Variants in PREX2 observed in about 807,000 individuals in gnomAD.
PREX2 encodes the protein phosphatidylinositol-3,4,5-trisphosphate dependent Rac exchange factor 2, also known as phosphatidylinositol 3,4,5-trisphosphate-dependent Rac exchanger 2 protein.
A neutral mutation model predicts 203.2 loss-of-function variants in PREX2; 107 were observed. The ratio of observed to expected loss-of-function variants is 0.53; its 90% CI spans 0.45 to 0.62. The LOEUF (loss-of-function observed/expected upper bound fraction) is 0.62. Among genes scored for constraint, PREX2 ranks in the 20% least tolerant of loss-of-function variants. PREX2 has a pLI of 0.00. For synonymous variants in PREX2, 672 were observed against 663.6 expected (o/e 1.01, Z -0.19); for missense variants, 1,777 against 1,955.9 (o/e 0.91, Z 1.72).
At chr8:68,131,000 G>A (rs925228984) in intron 31 of PREX2, among the ~76,000 whole-genome samples, 1 of 152,208 alleles carries the variant, frequency 6.6e-6, no homozygotes, top group African/African-American at 2.4e-5. Context: ...AATGCATCTG[G>A]AAGAAAGGTA....
chr8:68,206,653 A>G (rs1031160620), intron 37 of PREX2, among the ~76,000 whole-genome samples: 1 of 152,230 alleles, frequency 6.6e-6, no homozygotes, highest in Non-Finnish European at 1.5e-5. Context: ...AAAACCCAAG[A>G]GCGTATGGCA....
intron 1 of PREX2, among the ~76,000 whole-genome samples, chr8:67,960,039 A>G (rs905655345): frequency 2.0e-4 from 30 of 148,454 alleles, no homozygotes; most frequent in African/African-American, 7.3e-4. Flanking sequence ...TTTCTTTTTA[A>G]TTAATTAATT....
Position 67,952,555 on chromosome 8 carries a change from G to A in PREX2, c.141+20G>A. The A allele has an allele frequency of 6.2e-7, 1 of 1,603,860 alleles. No individual in the cohort carries two copies. Among genetic ancestry groups the A allele is most frequent in the Non-Finnish European group, 8.5e-7 (1 of 1,175,300 alleles). Reference sequence around the variant, plus strand: ...GTGTCGGTGAGTGTCCCCGGCAGACGCAGGGGGACGTCCGGGCGGCGCGGG... The same window carrying A: ...GTGTCGGTGAGTGTCCCCGGCAGACACAGGGGGACGTCCGGGCGGCGCGGG... On this transcript the variant is annotated intron_variant, in intron 1 of 39. Coordinates refer to ENST00000288368, the MANE Select transcript of PREX2 (RefSeq NM_024870.4).
intron 31 of PREX2, 77 bp downstream of exon 31, chr8:68,127,496 G>T: frequency 1.1e-6 from 1 of 932,402 alleles, no homozygotes; most frequent in African/African-American, 1.7e-5. Flanking sequence ...GAAATTTGAG[G>T]ACAACGCCTT....
At chr8:68,151,624 G>T (rs952158757) in intron 34 of PREX2, among the ~76,000 whole-genome samples, 2 of 152,060 alleles carry the variant, frequency 1.3e-5, no homozygotes, top group Admixed American at 6.5e-5. Context: ...TGAATATAAA[G>T]TGTCCTGAAG....
chr8:68,013,820 G>C (rs1005251684), intron 1 of PREX2, among the ~76,000 whole-genome samples: 14 of 151,972 alleles, frequency 9.2e-5, no homozygotes, highest in African/African-American at 2.7e-4. Flanking sequence ...AAGGTGACAG[G>C]GTGCTGCTAA....
At chr8:68,111,570 A>G (rs1410376244) in intron 25 of PREX2, among the ~76,000 whole-genome samples, 1 of 152,084 alleles carries the variant, frequency 6.6e-6, no homozygotes, top group Admixed American at 6.6e-5. Context: ...AGATTTCCCC[A>G]CCCTGTTATT....
intron 35 of PREX2, among the ~76,000 whole-genome samples, chr8:68,172,229 T>C (rs1811890430): frequency 6.6e-6 from 1 of 152,232 alleles, no homozygotes; most frequent in Admixed American, 6.5e-5. Flanking sequence ...TAGTTTATAA[T>C]GCTTGAAAGT....
chr8:68,183,466 G>T (rs1425381213), intron 35 of PREX2, among the ~76,000 whole-genome samples: 1 of 152,204 alleles, frequency 6.6e-6, no homozygotes, highest in East Asian at 1.9e-4. Context: ...GAAAGGATTT[G>T]CTTCTTTTCC....
chr8:68,092,475 A>G (rs557367427), intron 20 of PREX2, among the ~76,000 whole-genome samples: 65 of 152,346 alleles, frequency 4.3e-4, no homozygotes, highest in African/African-American at 1.4e-3. Context: ...TAGAAAATCT[A>G]TAACCCTTAA....
chr8:68,192,285 G>T, intron 36 of PREX2, 50 bp from the exon 37 acceptor site: 1 of 1,446,476 alleles, frequency 6.9e-7, no homozygotes, highest in South Asian at 1.4e-5. Flanking sequence ...CTATCTAAAA[G>T]AATTTTACTA....
intron 22 of PREX2, among the ~76,000 whole-genome samples, chr8:68,099,074 A>G (rs1275862975): frequency 6.6e-6 from 1 of 151,114 alleles, no homozygotes; most frequent in Non-Finnish European, 1.5e-5. Context: ...CAAATAGTCA[A>G]AAGAACTTAC....
At chr8:68,138,554 C>A in intron 33 of PREX2, 37 bp downstream of exon 33, 3 of 997,266 alleles carry the variant, frequency 3.0e-6, no homozygotes, top group South Asian at 2.9e-5. Flanking sequence ...TATTTGGCAT[C>A]AAATAATTAT....
At position 68,192,719 on chromosome 8, in the gene PREX2, C is replaced by T. The variant is rs1024193467; in HGVS notation, c.4604+194C>T. 3.8e-5 allele frequency: 17 copies of T among 446,438 alleles called. No individual in the cohort carries two copies. The East Asian group carries it at 5.8e-4, about 15-fold the overall frequency. The allele number at this position is 446,438 out of a possible 1,614,324, so 27.7% of individuals were successfully genotyped here. A position where few individuals can be genotyped will look rare whatever the true frequency, so the allele number is the denominator to read the frequency against. On this transcript the variant is annotated intron_variant, in intron 37 of 39. Transcript: ENST00000288368. ...GACTATTTAGTCATACACATGAAGGCAATCCCACGTTTATATCATTGTGGC... is the reference window on the plus strand; with the variant it reads ...GACTATTTAGTCATACACATGAAGGTAATCCCACGTTTATATCATTGTGGC...
intron 1 of PREX2, among the ~76,000 whole-genome samples, chr8:67,963,972 T>C (rs1805702316): frequency 6.6e-6 from 1 of 152,180 alleles, no homozygotes; most frequent in African/African-American, 2.4e-5. Context: ...ATCTTATTGC[T>C]CTACCAGCCC....
At chr8:68,122,341 T>C (rs540415420) in intron 30 of PREX2, among the ~76,000 whole-genome samples, 1 of 152,216 alleles carries the variant, frequency 6.6e-6, no homozygotes, top group African/African-American at 2.4e-5. Flanking sequence ...TTTTCTTGGC[T>C]ATATTTTTAT....
intron 5 of PREX2, among the ~76,000 whole-genome samples, chr8:68,030,088 T>C (rs1807837915): frequency 2.0e-5 from 3 of 152,160 alleles, no homozygotes. Context: ...GATTTCTAAA[T>C]TATTTTTGAA....
intron 35 of PREX2, among the ~76,000 whole-genome samples, chr8:68,183,487 C>T (rs1812125416): frequency 6.6e-6 from 1 of 151,978 alleles, no homozygotes; most frequent in Admixed American, 6.6e-5. Context: ...TGTCCATTTC[C>T]ATGGAGATAA....
Position 68,192,442 on chromosome 8 carries a change from G to T in PREX2, c.4521G>T (p.Gly1507=). The T allele has an allele frequency of 6.2e-7, 1 of 1,614,050 alleles. No individual in the cohort carries two copies. The highest frequency in any genetic ancestry group is 1.7e-5 in the Admixed American group (1 of 60,014). ...CAAACACAGCTTGCAGTGCTTCTGG[G>T]GTTGGACTGCTGTCAGTTTCCTCGG... ...ACANTACSAS[G]VGLLSVSSEL... The change falls in exon 37 of 40, where the codon GGG becomes GGT. Residue 1507 remains glycine (G), a synonymous_variant. Coordinates refer to ENST00000288368, the MANE Select transcript of PREX2 (RefSeq NM_024870.4).
Sources: gnomAD v4.1 joint callset for allele counts (sites outside exome capture counted in the v4.1 genomes callset) on GRCh38, gnomAD v4.1.1 for gene constraint, MANE v1.5 for transcripts, NCBI Gene and HGNC (gene_info 2026-07-23, HGNC 2026-07-21) for gene names.